The following PCDH15 variants were observed in gnomAD, a reference collection of about 807,000 sequenced individuals.
PCDH15 encodes the protein protocadherin related 15, also known as protocadherin-15.
A neutral mutation model predicts 178.5 loss-of-function variants in PCDH15; 129 were observed. That is an observed-to-expected ratio of 0.72 (90% confidence interval 0.63 to 0.84). The LOEUF (loss-of-function observed/expected upper bound fraction) is 0.84, where lower values mean the gene tolerates loss of function less well. Among genes scored for constraint, PCDH15 ranks in the 40% least tolerant of loss-of-function variants. The pLI, the probability that PCDH15 is intolerant of heterozygous loss-of-function variation, is 0.00. For synonymous variants in PCDH15, 800 were observed against 732.0 expected (o/e 1.09, Z -1.50); for missense variants, 2,230 against 2,099.9 (o/e 1.06, Z -1.21).
rs1016923868 is a variant in PCDH15, at chr10:54,036,751, T to C, written c.2221-13554A>G. 3.9e-5 allele frequency among the ~76,000 whole-genome samples: 6 copies of C among 152,052 alleles called. No homozygotes were observed. In the East Asian group the frequency reaches 5.8e-4, roughly 15 times the overall value. ...GAGTAAATTTGAGGTTTTCATCTTA[T>C]TATATAAGAAATAAATTTCATAAGA... On this transcript the variant is annotated intron_variant, in intron 18 of 37. Coordinates refer to ENST00000644397, the MANE Select transcript of PCDH15 (RefSeq NM_001384140.1).
intron 13 of PCDH15, among the ~76,000 whole-genome samples, chr10:54,172,355 C>T (rs2133642602): frequency 6.6e-6 from 1 of 152,130 alleles, no homozygotes; most frequent in Admixed American, 6.5e-5. Flanking sequence ...TGTAATTTTC[C>T]TTTACCTACC....
At chr10:55,483,932 A>T (rs1840241199) in intron 2 of PCDH15, among the ~76,000 whole-genome samples, 1 of 151,896 alleles carries the variant, frequency 6.6e-6, no homozygotes, top group Admixed American at 6.6e-5. Context: ...GACTGGATAA[A>T]GATGTGGTAC....
chr10:54,213,473 G>C (rs1332163791), intron 10 of PCDH15, among the ~76,000 whole-genome samples: 1 of 151,936 alleles, frequency 6.6e-6, no homozygotes, highest in Admixed American at 6.6e-5. Flanking sequence ...CTTTGGATAG[G>C]CAAGACCTCT....
At chr10:54,715,769 T>C (rs2095473179) in intron 1 of PCDH15, among the ~76,000 whole-genome samples, 1 of 152,044 alleles carries the variant, frequency 6.6e-6, no homozygotes, top group Non-Finnish European at 1.5e-5. Context: ...CACAGATTAG[T>C]AGTTTGAGCC....
chr10:55,058,536 T>C (rs913097909), intron 2 of PCDH15, among the ~76,000 whole-genome samples: 7 of 152,110 alleles, frequency 4.6e-5, no homozygotes, highest in Non-Finnish European at 7.4e-5. Flanking sequence ...ATTGCAAACA[T>C]CCACTTATCA....
At chr10:54,519,178 T>C (rs2082567319) in intron 3 of PCDH15, among the ~76,000 whole-genome samples, 1 of 152,032 alleles carries the variant, frequency 6.6e-6, no homozygotes, top group African/African-American at 2.4e-5. Flanking sequence ...CTCTCACCAC[T>C]CCTATTCAAC....
At chr10:54,415,042 C>G (rs1269391871) in intron 3 of PCDH15, among the ~76,000 whole-genome samples, 1 of 151,894 alleles carries the variant, frequency 6.6e-6, no homozygotes, top group Admixed American at 6.6e-5. Flanking sequence ...AATATTCAAC[C>G]AGAAATACCA....
intron 1 of PCDH15, among the ~76,000 whole-genome samples, chr10:54,666,512 T>G (rs2094573903): frequency 1.3e-5 from 2 of 152,052 alleles, no homozygotes; most frequent in South Asian, 4.1e-4. Context: ...GAGAGAGACA[T>G]TCTAACCCCC....
chr10:54,240,699 C>T (rs1481085939), intron 8 of PCDH15, among the ~76,000 whole-genome samples: 8 of 143,494 alleles, frequency 5.6e-5, no homozygotes, highest in South Asian at 4.4e-4. Flanking sequence ...TGGCGCGATC[C>T]CGGCTCACTG....
chr10:53,819,644 C>T (rs959864760), intron 33 of PCDH15, among the ~76,000 whole-genome samples: 2 of 151,838 alleles, frequency 1.3e-5, no homozygotes. Context: ...TAAAAGGTAT[C>T]TAATAATTTC....
chr10:55,454,256 T>C (rs1272677896), intron 2 of PCDH15, among the ~76,000 whole-genome samples: 1 of 152,176 alleles, frequency 6.6e-6, no homozygotes, highest in Non-Finnish European at 1.5e-5. Flanking sequence ...ATTTAGCTTA[T>C]AAATTAAGAA....
chr10:53,963,529 T>C (rs79207043), intron 21 of PCDH15, among the ~76,000 whole-genome samples: 2,201 of 152,260 alleles, frequency 0.014, 51 homozygotes, highest in African/African-American at 0.048. Context: ...CTTCTATTTG[T>C]TCATAAATAT....
intron 1 of PCDH15, among the ~76,000 whole-genome samples, chr10:55,278,896 C>G (rs1842660394): frequency 6.6e-6 from 1 of 152,114 alleles, no homozygotes; most frequent in South Asian, 2.1e-4. Flanking sequence ...TGATAGTGTA[C>G]AAAGCCTCAG....
rs934645583 is a variant in PCDH15, at chr10:54,610,621, T to C, written c.91+53551A>G. 3.3e-5 allele frequency among the ~76,000 whole-genome samples: 5 copies of C among 152,086 alleles called. 1 individual carries two copies. The South Asian group carries it at 8.3e-4, about 25-fold the overall frequency. On this transcript the variant is annotated intron_variant, in intron 2 of 37. Transcript: ENST00000644397. Reference sequence around the variant, plus strand: ...TCTCTCCTGCTTTCTATGAATATTCTGTCTTAGACTACTTAGTCATTATAT... The same window carrying C: ...TCTCTCCTGCTTTCTATGAATATTCCGTCTTAGACTACTTAGTCATTATAT...
At chr10:55,266,166 C>A (rs751680440) in intron 1 of PCDH15, among the ~76,000 whole-genome samples, 1 of 152,076 alleles carries the variant, frequency 6.6e-6, no homozygotes, top group Non-Finnish European at 1.5e-5. Flanking sequence ...GTATAATACA[C>A]ATGTTTAACT....
intron 2 of PCDH15, among the ~76,000 whole-genome samples, chr10:55,612,800 C>A (rs1423288344): frequency 6.6e-6 from 1 of 152,038 alleles, no homozygotes; most frequent in East Asian, 1.9e-4. Context: ...TCTTAGCAAC[C>A]TAGTGTAATT....
At chr10:55,242,047 A>T (rs2132213105) in intron 1 of PCDH15, among the ~76,000 whole-genome samples, 1 of 152,318 alleles carries the variant, frequency 6.6e-6, no homozygotes, top group East Asian at 1.9e-4. Flanking sequence ...AGCCAAGATA[A>T]TCCATAATAT....
At chr10:53,831,137 G>A (rs1453881480) in intron 30 of PCDH15, 178 bp downstream of exon 30, 1 of 776,218 alleles carries the variant, frequency 1.3e-6, no homozygotes, top group Middle Eastern at 2.2e-4. Flanking sequence ...AATGTACTGG[G>A]AGTTTGTACT....
intron 8 of PCDH15, among the ~76,000 whole-genome samples, chr10:54,307,018 ATATATATATATGTGTG>A (rs1481755946): frequency 0.048 from 1,645 of 34,344 alleles, 224 homozygotes; most frequent in African/African-American, 0.14. Flanking sequence ...ATATATACAT[ATATATATATATGTGTG>A]TGTGTGTATA....
Sources: allele counts gnomAD v4.1 joint callset (sites outside exome capture counted in the v4.1 genomes callset), GRCh38; gene constraint gnomAD v4.1.1; transcripts MANE v1.5; gene names NCBI Gene and HGNC (gene_info 2026-07-23, HGNC 2026-07-21).